Variants in GOLT1B observed in about 807,000 individuals in gnomAD.
The protein encoded by GOLT1B is vesicle transport protein GOT1B.
GOLT1B carries 3 observed loss-of-function variants against 15.4 expected under a neutral mutation model. The observed-to-expected ratio is 0.19, with a 90% CI of 0.09 to 0.50. The LOEUF is 0.50. Among genes scored for constraint, GOLT1B ranks in the 20% least tolerant of loss-of-function variants. The pLI, the probability that GOLT1B is intolerant of heterozygous loss-of-function variation, is 0.97. For missense variants in GOLT1B, 145 were observed against 160.4 expected, an observed-to-expected ratio of 0.90 and a Z score of 0.52; for synonymous variants, 65 against 56.2, an observed-to-expected ratio of 1.16 and a Z score of -0.70.
At chr12:21,503,326 G>T (rs1482823018) in intron 1 of GOLT1B, among the ~76,000 whole-genome samples, 13 of 152,194 alleles carry the variant, frequency 8.5e-5, no homozygotes, top group Admixed American at 7.2e-4. Context: ...AGGCACAAAA[G>T]AAATTGAGTG....
chr12:21,513,517 TC>T (rs147416356), intron 4 of GOLT1B, among the ~76,000 whole-genome samples: 7,003 of 152,146 alleles, frequency 0.046, 286 homozygotes, highest in African/African-American at 0.1. Flanking sequence ...TTTTGTTTTT[TC>T]TTAGAGAGAG....
At chr12:21,509,411 A>C (rs1378194369) in intron 3 of GOLT1B, among the ~76,000 whole-genome samples, 2 of 151,160 alleles carry the variant, frequency 1.3e-5, no homozygotes, top group Non-Finnish European at 3.0e-5. Flanking sequence ...AAAAAAAAAA[A>C]AAAAAAAAAA....
chr12:21,512,808 C>G (rs989733769), intron 4 of GOLT1B, among the ~76,000 whole-genome samples: 1 of 152,066 alleles, frequency 6.6e-6, no homozygotes, highest in Non-Finnish European at 1.5e-5. Flanking sequence ...TGTGGTGGCT[C>G]ACACCCTGCA....
rs551629717 is a variant in GOLT1B, at chr12:21,504,161, G to T, written c.25+2213G>T. ...CACAGTATGCTCCTTATGTTAGACA[G>T]ATTCGTTTTATTAAATTGTTTTTAT... is the stretch of plus-strand genomic sequence containing the variant. On this transcript the variant is annotated intron_variant, in intron 1 of 4. Coordinates refer to ENST00000229314, the MANE Select transcript of GOLT1B (RefSeq NM_016072.5). Among the ~76,000 whole-genome samples, 73 of 152,336 alleles carry T rather than the reference G, an allele frequency of 4.8e-4. 1 individual carries two copies. Among genetic ancestry groups the T allele is most frequent in the African/African-American group, 1.7e-3 (69 of 41,582 alleles).
intron 3 of GOLT1B, among the ~76,000 whole-genome samples, 198 bp from the exon 4 acceptor site, chr12:21,512,097 A>T (rs1269308930): frequency 1.3e-5 from 2 of 152,228 alleles, no homozygotes; most frequent in African/African-American, 2.4e-5. Flanking sequence ...TCTGAGTTAT[A>T]TATAGCTAGG....
chr12:21,507,321 G>T, intron 2 of GOLT1B: 1 of 226,598 alleles, frequency 4.4e-6, no homozygotes, highest in East Asian at 1.3e-4. Flanking sequence ...AAACATCCAA[G>T]ACTTCACATT....
chr12:21,509,539 A>G (rs1458309316), intron 3 of GOLT1B, among the ~76,000 whole-genome samples: 2 of 152,178 alleles, frequency 1.3e-5, no homozygotes, highest in Non-Finnish European at 2.9e-5. Context: ...ATAAAAATAA[A>G]TTAAGTACCA....
chr12:21,505,016 G>T (rs575846823), intron 1 of GOLT1B, among the ~76,000 whole-genome samples: 1 of 152,118 alleles, frequency 6.6e-6, no homozygotes, highest in Admixed American at 6.5e-5. Flanking sequence ...AAAAGACCTT[G>T]GTTCGAATGC....
At chr12:21,502,666 A>G (rs1439167679) in intron 1 of GOLT1B, among the ~76,000 whole-genome samples, 1 of 152,032 alleles carries the variant, frequency 6.6e-6, no homozygotes, top group African/African-American at 2.4e-5. Flanking sequence ...CTCCAGGCCT[A>G]TTTCATCTCT....
At chr12:21,502,792 A>G (rs748550690) in intron 1 of GOLT1B, among the ~76,000 whole-genome samples, 8 of 152,052 alleles carry the variant, frequency 5.3e-5, no homozygotes, top group Non-Finnish European at 1.0e-4. Context: ...TCTGTACCTC[A>G]TATTTTGATG....
intron 1 of GOLT1B, among the ~76,000 whole-genome samples, chr12:21,504,019 G>GT (rs998256621): frequency 6.6e-6 from 1 of 152,152 alleles, no homozygotes; most frequent in Non-Finnish European, 1.5e-5. Context: ...CTTGACTTCT[G>GT]TTTTTCAAAG....
In GOLT1B at chr12:21,517,704, T is replaced by C. The variant is rs1004733885; in HGVS notation, c.*1997T>C. 1 of 152,214 alleles carries C rather than the reference T, an allele frequency of 6.6e-6. No homozygotes were observed. The highest frequency in any genetic ancestry group is 6.5e-5 in the Admixed American group (1 of 15,282). 9.4% of individuals were successfully genotyped at this position (152,214 alleles called of 1,614,324 possible). ...AAGGGTTTGATAATCTCCCAGTCCT[T>C]AGTAAAGATTGAGAGAGGCTGGAGC... On this transcript the variant is annotated 3_prime_UTR_variant, in exon 5 of 5. Transcript: ENST00000229314.
chr12:21,508,303 A>C, intron 2 of GOLT1B, 80 bp from the exon 3 acceptor site: 2 of 840,646 alleles, frequency 2.4e-6, no homozygotes, highest in African/African-American at 3.5e-5. Context: ...CTTTTTTTAT[A>C]TTTAGCTTTG....
intron 4 of GOLT1B, among the ~76,000 whole-genome samples, chr12:21,513,860 C>T (rs1050510396): frequency 6.6e-6 from 1 of 152,142 alleles, no homozygotes; most frequent in African/African-American, 2.4e-5. Context: ...AACTACAGTC[C>T]TTGAGGGCAG....
intron 3 of GOLT1B, among the ~76,000 whole-genome samples, chr12:21,511,181 C>T (rs549290551): frequency 2.7e-4 from 41 of 152,286 alleles, no homozygotes; most frequent in African/African-American, 8.4e-4. Context: ...GGGGTTCCCA[C>T]GATCCCCTGT....
chr12:21,510,097 A>G (rs1484066370), intron 3 of GOLT1B, among the ~76,000 whole-genome samples: 3 of 152,160 alleles, frequency 2.0e-5, no homozygotes, highest in Admixed American at 6.5e-5. Context: ...TATTAAAGAG[A>G]AAAACTGAAG....
intron 4 of GOLT1B, among the ~76,000 whole-genome samples, chr12:21,512,994 G>A (rs1292696295): frequency 6.6e-6 from 1 of 150,978 alleles, no homozygotes; most frequent in East Asian, 2.0e-4. Context: ...TTGGGCCTAG[G>A]GGGTCAAGGC....
chr12:21,508,389 T>C lies in GOLT1B; in HGVS notation c.124T>C (p.Phe42Leu). 2 of 1,555,950 alleles carry C rather than the reference T, an allele frequency of 1.3e-6. No individual in the cohort carries two copies. Reference sequence around the variant, plus strand: ...TATTTTCTTTCTCTTTTAGGTTTTATTTGTAGCCGGCTTGGCTTTTGTAAT... The same window carrying C: ...TATTTTCTTTCTCTTTTAGGTTTTACTTGTAGCCGGCTTGGCTTTTGTAAT... ...KALLAIGNVL[F>L]VAGLAFVIGL... Residue 42 changes from phenylalanine to leucine, a missense_variant, in exon 3 of 5, where the codon TTT becomes CTT. Phe to Leu is a conservative substitution (Grantham distance 22). Transcript: ENST00000229314.
At chr12:21,508,301 A>T (rs986401869) in intron 2 of GOLT1B, 82 bp from the exon 3 acceptor site, 2 of 826,276 alleles carry the variant, frequency 2.4e-6, no homozygotes, top group African/African-American at 1.7e-5. Context: ...TTCTTTTTTT[A>T]TATTTAGCTT....
Sources: gnomAD v4.1 joint callset for allele counts (sites outside exome capture counted in the v4.1 genomes callset) on GRCh38, gnomAD v4.1.1 for gene constraint, MANE v1.5 for transcripts, NCBI Gene and HGNC (gene_info 2026-07-23, HGNC 2026-07-21) for gene names.